IFT140: variants seen among roughly 807,000 people sequenced by gnomAD.
IFT140 encodes intraflagellar transport protein 140 homolog.
A neutral mutation model predicts 164.6 loss-of-function variants in IFT140; 133 were observed. The observed-to-expected ratio is 0.81, with a 90% CI of 0.70 to 0.93. The LOEUF (loss-of-function observed/expected upper bound fraction) is 0.93. IFT140 is among the 40% of genes least tolerant of loss of function. IFT140 has a pLI of 0.00. For missense variants in IFT140, 2,045 were observed against 1,972.3 expected (o/e 1.04, Z -0.70); for synonymous variants, 860 against 817.3 (o/e 1.05, Z -0.89).
chr16:1,598,505 T>C (rs959163086), intron 4 of IFT140, among the ~76,000 whole-genome samples: 19 of 152,132 alleles, frequency 1.2e-4, no homozygotes, highest in African/African-American at 4.6e-4. Flanking sequence ...ATATTCATCC[T>C]TGATAGCAAG....
chr16:1,603,686 T>C (rs147655309), intron 3 of IFT140, among the ~76,000 whole-genome samples: 2 of 152,306 alleles, frequency 1.3e-5, no homozygotes, highest in Non-Finnish European at 2.9e-5. Context: ...TTTCATCATA[T>C]TGGCCAGGCT....
Position 1,510,793 on chromosome 16 carries a change from C to T in IFT140, c.*151G>A. 2.7e-6 allele frequency: 2 copies of T among 740,558 alleles called. No individual in the cohort carries two copies. The highest frequency in any genetic ancestry group is 3.3e-5 in the South Asian group (2 of 60,568). The allele number at this position is 740,558 out of a possible 1,614,324, so 45.9% of individuals were successfully genotyped here. Reference sequence around the variant, plus strand: ...GCAGACGGGTCACACCCTCCGCCGGCCCGGGCCGCTGCGTTCTCGCCCAGC... The same window carrying T: ...GCAGACGGGTCACACCCTCCGCCGGTCCGGGCCGCTGCGTTCTCGCCCAGC... On this transcript the variant is annotated 3_prime_UTR_variant, in exon 31 of 31. Coordinates refer to ENST00000426508, the MANE Select transcript of IFT140 (RefSeq NM_014714.4).
intron 19 of IFT140, among the ~76,000 whole-genome samples, chr16:1,528,397 G>A (rs567825474): frequency 7.0e-6 from 1 of 143,370 alleles, no homozygotes; most frequent in East Asian, 2.1e-4. Flanking sequence ...GCACACACAC[G>A]GATGCACACA....
Position 1,555,930 on chromosome 16 carries a change from T to G in IFT140, c.2399+2005A>C, listed in dbSNP as rs535194718. 3.3e-5 allele frequency among the ~76,000 whole-genome samples: 5 copies of G among 152,070 alleles called. No homozygotes were observed. The South Asian group carries it at 6.2e-4, about 19-fold the overall frequency. The stretch of plus-strand genomic sequence containing the variant: ...CAGCCTGGCCAACATAGTGAAACCC[T>G]GTCTCTACTAAAAATCCAAAAAAAA... On this transcript the variant is annotated intron_variant, in intron 19 of 30. Coordinates refer to ENST00000426508, the MANE Select transcript of IFT140 (RefSeq NM_014714.4).
At chr16:1,514,594 G>A (rs2040289186) in intron 30 of IFT140, 2 of 152,008 alleles carry the variant, frequency 1.3e-5, no homozygotes, top group Admixed American at 1.3e-4. Flanking sequence ...CCACCACAGG[G>A]GAAAGAGTTT....
intron 26 of IFT140, among the ~76,000 whole-genome samples, chr16:1,521,491 C>CCATTCTCCTGCCTCAGCCTACCAAGTAG (rs2040525534): frequency 6.6e-6 from 1 of 152,106 alleles, no homozygotes; most frequent in Non-Finnish European, 1.5e-5. Flanking sequence ...CGGGTTCAAG[C>CCATTCTCCTGCCTCAGCCTACCAAGTAG]CATTCTCCTG....
In IFT140 at chr16:1,553,498, C is replaced by T. The variant is rs2032846229; in HGVS notation, c.2399+4437G>A. ...GCGGAGGGACAGCAGTGGGGCTCGG[C>T]GTGGCCGGAGCCTGGGGAGGGACAT... On this transcript the variant is annotated intron_variant, in intron 19 of 30. Transcript: ENST00000426508. The surrounding 1 kb of genome is among the most constrained non-coding windows in gnomAD (Gnocchi z 4.4). 1.0e-6 allele frequency: 1 copy of T among 985,436 alleles called. No homozygotes were observed. The highest frequency in any genetic ancestry group is 1.2e-6 in the Non-Finnish European group (1 of 829,932). 61.0% of individuals were successfully genotyped at this position (985,436 alleles called of 1,614,324 possible). A position where few individuals can be genotyped will look rare whatever the true frequency, so the allele number is the denominator to read the frequency against.
At chr16:1,559,375 A>T (rs2033282319) in intron 18 of IFT140, among the ~76,000 whole-genome samples, 1 of 152,142 alleles carries the variant, frequency 6.6e-6, no homozygotes, top group Non-Finnish European at 1.5e-5. Flanking sequence ...TCTGTGAGGG[A>T]GGGACTGTCT....
intron 30 of IFT140, among the ~76,000 whole-genome samples, chr16:1,512,039 C>G (rs754746502): frequency 4.7e-5 from 7 of 149,748 alleles, no homozygotes; most frequent in African/African-American, 1.2e-4. Flanking sequence ...TGTGACTGCT[C>G]TGTGTGCAGA....
rs138712628 is a variant in IFT140 at position 1,582,951 on chromosome 16, G to A, written c.1432+363C>T. 1.9e-3 allele frequency among the ~76,000 whole-genome samples: 286 copies of A among 152,304 alleles called. 1 individual carries two copies. Among genetic ancestry groups the A allele is most frequent in the African/African-American group, 6.6e-3 (274 of 41,562 alleles). Reference sequence around the variant, plus strand: ...ACCTAGAAGGGTGTTTGAGATTAACGGAGCATGTCTGAGGAGCCACCTTGA... The same window carrying A: ...ACCTAGAAGGGTGTTTGAGATTAACAGAGCATGTCTGAGGAGCCACCTTGA... On this transcript the variant is annotated intron_variant, in intron 12 of 30. Transcript: ENST00000426508.
chr16:1,592,726 C>G (rs926833384), intron 4 of IFT140, 138 bp from the exon 5 acceptor site: 14 of 1,353,426 alleles, frequency 1.0e-5, no homozygotes, highest in Middle Eastern at 2.0e-4. Flanking sequence ...GGTGTCCCGG[C>G]AGAGTGACTG....
At chr16:1,601,065 C>T (rs969474302) in intron 4 of IFT140, among the ~76,000 whole-genome samples, 2 of 152,034 alleles carry the variant, frequency 1.3e-5, no homozygotes, top group Non-Finnish European at 2.9e-5. Flanking sequence ...CAGCTTGAAA[C>T]CAGCCTGGCC....
rs1195851729 is a variant in IFT140, at chr16:1,524,662, C to T, written c.3031G>A (p.Ala1011Thr). 1.9e-6 allele frequency: 3 copies of T among 1,579,592 alleles called. No individual in the cohort carries two copies. Among genetic ancestry groups the T allele is most frequent in the Non-Finnish European group, 8.6e-7 (1 of 1,158,046 alleles). Residue 1011 changes from alanine to threonine, a missense_variant, in exon 24 of 31, where the codon GCG (alanine) becomes ACG (threonine). By Grantham distance (58) the Ala-to-Thr change is moderately conservative (BLOSUM62 0). Coordinates refer to ENST00000426508, the MANE Select transcript of IFT140 (RefSeq NM_014714.4). Reference protein sequence around the residue: ...AQIANETGNLAASYHLARQYE... With the variant: ...AQIANETGNLTASYHLARQYE... ...TGGCGGGCGAGGTGGTAGGAGGCCG[C>T]CAGGTTTCCTGTCTCGTTGGCTATT...
In IFT140 at chr16:1,561,992, G is replaced by A. The variant is rs1185944684; in HGVS notation, c.2192C>T (p.Thr731Ile). 1.9e-6 allele frequency: 3 copies of A among 1,601,566 alleles called. No individual in the cohort carries two copies. Among genetic ancestry groups the A allele is most frequent in the African/African-American group, 2.7e-5 (2 of 74,186 alleles). The change falls in exon 18 of 31, where the codon ACA becomes ATA. Residue 731 changes from threonine (T) to isoleucine (I), a missense_variant. By Grantham distance (89) the Thr-to-Ile change is moderately conservative (BLOSUM62 -1). Coordinates refer to ENST00000426508, the MANE Select transcript of IFT140 (RefSeq NM_014714.4). ...GATGTCGTGGCTTCGTACCTTTCTT[G>A]TGAAGTAGTAATAAGGCACTTCCAT... Reference protein sequence around the residue: ...LGMEVPYYYFTRKPEEADRED... With the variant: ...LGMEVPYYYFIRKPEEADRED...
Position 1,571,011 on chromosome 16 carries a change from C to A in IFT140, c.1652+396G>T, listed in dbSNP as rs142950376. On this transcript the variant is annotated intron_variant, in intron 14 of 30. Coordinates refer to ENST00000426508, the MANE Select transcript of IFT140 (RefSeq NM_014714.4). Reference sequence around the variant, plus strand: ...GGCTCAAGCAGTCTTCTCGCCTTGGCCTCCCAAAGTGCTGGAAATACAGGT... The same window carrying A: ...GGCTCAAGCAGTCTTCTCGCCTTGGACTCCCAAAGTGCTGGAAATACAGGT... Among the ~76,000 whole-genome samples, 799 of 152,316 alleles carry A rather than the reference C, an allele frequency of 5.2e-3. 7 individuals are homozygous for A. Among genetic ancestry groups the A allele is most frequent in the African/African-American group, 0.019 (772 of 41,566 alleles).
chr16:1,588,498 C>A (rs1050127097), intron 7 of IFT140, among the ~76,000 whole-genome samples: 9 of 151,044 alleles, frequency 6.0e-5, no homozygotes, highest in African/African-American at 2.2e-4. Flanking sequence ...GCACTCCAGC[C>A]TGGGTGACAG....
At chr16:1,527,691 C>A (rs1302310179) in intron 19 of IFT140, among the ~76,000 whole-genome samples, 1 of 152,244 alleles carries the variant, frequency 6.6e-6, no homozygotes, top group Non-Finnish European at 1.5e-5. Flanking sequence ...CCCACCTCAG[C>A]CTCCCAAATA....
At chr16:1,522,023 GAC>G (rs1230109995) in intron 26 of IFT140, among the ~76,000 whole-genome samples, 1 of 151,436 alleles carries the variant, frequency 6.6e-6, no homozygotes, top group East Asian at 2.0e-4. Flanking sequence ...AGGAGTTCGA[GAC>G]CAGCCTGACC....
chr16:1,605,131 C>T (rs145978958), intron 3 of IFT140, among the ~76,000 whole-genome samples: 283 of 152,226 alleles, frequency 1.9e-3, no homozygotes, highest in Middle Eastern at 0.01. Context: ...GGAGCCCTGA[C>T]CAAGCTCTGC....
Sources: gnomAD v4.1 joint callset for allele counts (sites outside exome capture counted in the v4.1 genomes callset) on GRCh38, gnomAD v4.1.1 for gene constraint, Gnocchi (gnomAD v3.1) non-coding constraint, MANE v1.5 for transcripts, NCBI Gene and HGNC (gene_info 2026-07-23, HGNC 2026-07-21) for gene names.